MS4A14: variants seen among roughly 807,000 people sequenced by gnomAD.
MS4A14 encodes membrane-spanning 4-domains subfamily A member 14.
A neutral mutation model predicts 16.7 loss-of-function variants in MS4A14; 18 were observed. The observed-to-expected ratio is 1.08, with a 90% CI of 0.75 to 1.60. The LOEUF (loss-of-function observed/expected upper bound fraction) is 1.60, where lower values mean the gene tolerates loss of function less well. MS4A14 is among the 40% of genes most tolerant of loss of function. The pLI is 0.00. For synonymous variants in MS4A14, 305 were observed against 289.4 expected (o/e 1.05, Z -0.55); for missense variants, 812 against 775.3 (o/e 1.05, Z -0.56).
chr11:60,396,776 T>C (rs1236596191), intron 1 of MS4A14, 60 bp downstream of exon 1: 2 of 1,534,836 alleles, frequency 1.3e-6, no homozygotes, highest in African/African-American at 2.7e-5. Flanking sequence ...TATTTATTCA[T>C]GTATGTCTGC....
intron 4 of MS4A14, among the ~76,000 whole-genome samples, chr11:60,404,110 G>A (rs980591374): frequency 6.6e-6 from 1 of 152,208 alleles, no homozygotes; most frequent in African/African-American, 2.4e-5. Flanking sequence ...TGGACAGGAG[G>A]CAACTACTGT....
rs371634910 is a variant in MS4A14 at position 60,396,615 on chromosome 11, G to A, written c.37G>A (p.Val13Ile). ...ATCCCAGGACAGAAGGGCAACTCAC[G>A]TCATCACTATAAAACCAAACGAAAC... is the stretch of plus-strand genomic sequence containing the variant. ...STSQDRRATH[V>I]ITIKPNETVL... Residue 13 changes from valine (V) to isoleucine (I), a missense_variant, in exon 1 of 5, where the codon GTC (valine) becomes ATC (isoleucine). Physicochemically the swap from Val to Ile is conservative, Grantham distance 29. Transcript: ENST00000300187. 73 of 1,613,904 alleles carry A rather than the reference G, an allele frequency of 4.5e-5. No individual in the cohort carries two copies. In the Middle Eastern group the frequency reaches 5.0e-4, roughly 11 times the overall value.
In MS4A14 at chr11:60,416,016, C is replaced by T. The variant is rs775170841; in HGVS notation, c.1048C>T (p.Leu350=). ...ATCCCATGTCAAACAGTCTTCTAAT[C>T]TGACAGCTAATGACCTGCCCCCTCA... The part of the protein sequence containing the change: ...TSSHVKQSSN[L]TANDLPPQGI... The change falls in exon 5 of 5, where the codon CTG becomes TTG. Residue 350 remains leucine, a synonymous_variant. Coordinates refer to ENST00000300187, the MANE Select transcript of MS4A14 (RefSeq NM_032597.5). 27 of 1,613,736 alleles carry T rather than the reference C, an allele frequency of 1.7e-5. No homozygotes were observed. In the Admixed American group the frequency reaches 4.3e-4, roughly 26 times the overall value.
chr11:60,415,456 C>T lies in MS4A14; in HGVS notation c.488C>T (p.Ser163Leu), dbSNP rs550060785. ...TTATAGGTTCTGTTTTTCTTGCCTT[C>T]GGATGTTACTCAAAATAGTGAACAA... ...TLFIVLFFLP[S>L]DVTQNSEQPA... The change falls in exon 5 of 5, where the codon TCG (serine) becomes TTG (leucine). Residue 163 changes from serine to leucine, a missense_variant. Ser to Leu is a moderately radical substitution (Grantham distance 145). Transcript: ENST00000300187. 4.5e-5 allele frequency: 73 copies of T among 1,609,128 alleles called. No homozygotes were observed. The African/African-American group carries it at 5.9e-4, about 13-fold the overall frequency.
chr11:60,396,660 T>C lies in MS4A14; in HGVS notation c.82T>C (p.Tyr28His). Reference sequence around the variant, plus strand: ...CGAAACTGTATTGACTGCATTTCCCTACAGACCTCATAGCTCTCTGCTGGA... The same window carrying C: ...CGAAACTGTATTGACTGCATTTCCCCACAGACCTCATAGCTCTCTGCTGGA... ...PNETVLTAFP[Y>H]RPHSSLLDFL... Residue 28 changes from tyrosine to histidine, a missense_variant, in exon 1 of 5, where the codon TAC (tyrosine) becomes CAC (histidine). Coordinates refer to ENST00000300187, the MANE Select transcript of MS4A14 (RefSeq NM_032597.5). 1 of 1,613,968 alleles carries C rather than the reference T, an allele frequency of 6.2e-7. No homozygotes were observed. The highest frequency in any genetic ancestry group is 8.5e-7 in the Non-Finnish European group (1 of 1,179,960).
chr11:60,416,556 C>T lies in MS4A14; in HGVS notation c.1588C>T (p.Gln530Ter). The change falls in exon 5 of 5, where the codon CAG (glutamine) becomes TAG (stop). Residue 530 changes from glutamine to a stop codon, truncating the protein, a stop_gained. Coordinates refer to ENST00000300187, the MANE Select transcript of MS4A14 (RefSeq NM_032597.5). LOFTEE classifies it low-confidence loss of function (END_TRUNC). ...QQSKGWQSPK[Q>*]KSLDQQIKDW... ...AAGCAAAGGCTGGCAATCTCCAAAG[C>T]AGAAATCCTTAGACCAGCAAATCAA... 6.2e-7 allele frequency: 1 copy of T among 1,613,782 alleles called. No individual in the cohort carries two copies. The highest frequency in any genetic ancestry group is 8.5e-7 in the Non-Finnish European group (1 of 1,179,924).
At position 60,416,127 on chromosome 11, in the gene MS4A14, T is replaced by A; in HGVS notation, c.1159T>A (p.Ser387Thr). Residue 387 changes from serine (S) to threonine (T), a missense_variant, in exon 5 of 5, where the codon TCT becomes ACT. Coordinates refer to ENST00000300187, the MANE Select transcript of MS4A14 (RefSeq NM_032597.5). ...SQDMQSLDML[S>T]QDTPSHAMPP... ...AGATATGCAATCCCTAGATATGCTA[T>A]CTCAAGACACACCATCCCACGCCAT... The A allele has an allele frequency of 6.2e-7, 1 of 1,610,442 alleles. No homozygotes were observed. The highest frequency in any genetic ancestry group is 1.1e-5 in the South Asian group (1 of 90,700).
intron 2 of MS4A14, chr11:60,398,200 G>A (rs1009336778): frequency 2.5e-6 from 1 of 403,346 alleles, no homozygotes; most frequent in African/African-American, 2.0e-5. Flanking sequence ...CAAAGCCCTT[G>A]TGTGTATAGT....
chr11:60,416,070 C>A lies in MS4A14; in HGVS notation c.1102C>A (p.Gln368Lys). The change falls in exon 5 of 5, where the codon CAA (glutamine) becomes AAA (lysine). Residue 368 changes from glutamine to lysine, a missense_variant. Gln to Lys is a moderately conservative substitution (Grantham distance 53, BLOSUM62 1). Coordinates refer to ENST00000300187, the MANE Select transcript of MS4A14 (RefSeq NM_032597.5). ...QGILSQDTSS[Q>K]DMLFHDMTSQ... ...CATACTATCCCAAGACACATCATCT[C>A]AAGATATGCTGTTTCATGACATGAC... 1.2e-6 allele frequency: 2 copies of A among 1,612,144 alleles called. No homozygotes were observed. The highest frequency in any genetic ancestry group is 1.7e-6 in the Non-Finnish European group (2 of 1,179,112).
At chr11:60,400,135 G>C (rs918368425) in intron 2 of MS4A14, among the ~76,000 whole-genome samples, 1 of 152,092 alleles carries the variant, frequency 6.6e-6, no homozygotes, top group Admixed American at 6.6e-5. Flanking sequence ...GCCCCAGCCG[G>C]ATCAAACATC....
chr11:60,416,307 C>T lies in MS4A14; in HGVS notation c.1339C>T (p.Pro447Ser), dbSNP rs1200498488. The change falls in exon 5 of 5, where the codon CCT becomes TCT. Residue 447 changes from proline (P) to serine (S), a missense_variant. Physicochemically the swap from Pro to Ser is moderately conservative, Grantham distance 74. Coordinates refer to ENST00000300187, the MANE Select transcript of MS4A14 (RefSeq NM_032597.5). ...AGATCTTCAACCAGAAAACACTGAA[C>T]CTCAAAACCAGCAAATTTTACAAAT... ...PPDLQPENTE[P>S]QNQQILQMSY... is the part of the protein sequence containing the mutation. 2 of 1,613,816 alleles carry T rather than the reference C, an allele frequency of 1.2e-6. No homozygotes were observed. The highest frequency in any genetic ancestry group is 1.7e-6 in the Non-Finnish European group (2 of 1,179,944).
rs765891011 is a variant in MS4A14 at position 60,416,837 on chromosome 11, T to C, written c.1869T>C (p.Asn623=). 22 of 1,613,466 alleles carry C rather than the reference T, an allele frequency of 1.4e-5. No homozygotes were observed. The highest frequency in any genetic ancestry group is 1.9e-5 in the Non-Finnish European group (22 of 1,179,820). The change falls in exon 5 of 5, where the codon AAT becomes AAC. Residue 623 remains asparagine (N), a synonymous_variant. Coordinates refer to ENST00000300187, the MANE Select transcript of MS4A14 (RefSeq NM_032597.5). ...AATCCCCGAAAGGACAATTCCAAAATGTTCAAGCCGAAGGACAGCAAGCTC... is the reference window on the plus strand; with the variant it reads ...AATCCCCGAAAGGACAATTCCAAAACGTTCAAGCCGAAGGACAGCAAGCTC... ...EKKSPKGQFQ[N]VQAEGQQAQV...
At chr11:60,400,172 G>A (rs2085690291) in intron 2 of MS4A14, among the ~76,000 whole-genome samples, 1 of 152,142 alleles carries the variant, frequency 6.6e-6, no homozygotes. Flanking sequence ...AGAGGAGCCT[G>A]CCTGTCCCAG....
chr11:60,413,742 G>A (rs1208812474), intron 4 of MS4A14, among the ~76,000 whole-genome samples: 1 of 152,032 alleles, frequency 6.6e-6, no homozygotes, highest in Non-Finnish European at 1.5e-5. Flanking sequence ...TATGTACCTT[G>A]ATCTCAAGAA....
chr11:60,412,126 A>G (rs1350160856), intron 4 of MS4A14, among the ~76,000 whole-genome samples: 2 of 151,998 alleles, frequency 1.3e-5, no homozygotes, highest in Non-Finnish European at 2.9e-5. Flanking sequence ...CATATGAATA[A>G]TCCTTTTCTA....
In MS4A14 at chr11:60,415,625, C is replaced by T. The variant is rs746100173; in HGVS notation, c.657C>T (p.Ser219=). ...CACTCTCTAGGAGTCCTTTAGTCTCCCAACCAGGTAATAAAGGTAGAGAAT... is the reference window on the plus strand; with the variant it reads ...CACTCTCTAGGAGTCCTTTAGTCTCTCAACCAGGTAATAAAGGTAGAGAAT... The part of the protein sequence containing the change: ...KLTLSRSPLV[S]QPGNKGREFV... Residue 219 remains serine, a synonymous_variant, in exon 5 of 5, where the codon TCC becomes TCT. Coordinates refer to ENST00000300187, the MANE Select transcript of MS4A14 (RefSeq NM_032597.5). The T allele has an allele frequency of 6.2e-7, 1 of 1,613,784 alleles. No homozygotes were observed. Among genetic ancestry groups the T allele is most frequent in the Non-Finnish European group, 8.5e-7 (1 of 1,179,832 alleles).
At position 60,417,099 on chromosome 11, in the gene MS4A14, C is replaced by T; in HGVS notation, c.*91C>T. 6.8e-7 allele frequency: 1 copy of T among 1,469,448 alleles called. No homozygotes were observed. Among genetic ancestry groups the T allele is most frequent in the Non-Finnish European group, 9.0e-7 (1 of 1,108,540 alleles). The allele number at this position is 1,469,448 out of a possible 1,614,324, so 91.0% of individuals were successfully genotyped here. ...ACACAGGATCTATTAGAGAAAGAAG[C>T]CCTAAAGCAGAAAGCTCTATACCAA... On this transcript the variant is annotated 3_prime_UTR_variant, in exon 5 of 5. Coordinates refer to ENST00000300187, the MANE Select transcript of MS4A14 (RefSeq NM_032597.5).
intron 3 of MS4A14, among the ~76,000 whole-genome samples, chr11:60,402,311 C>A (rs2085726678): frequency 6.6e-6 from 1 of 152,116 alleles, no homozygotes; most frequent in South Asian, 2.1e-4. Context: ...GTTAACGATT[C>A]TGTTGATTAT....
chr11:60,401,899 T>C (rs1373108482), intron 3 of MS4A14, among the ~76,000 whole-genome samples: 1 of 152,144 alleles, frequency 6.6e-6, no homozygotes, highest in African/African-American at 2.4e-5. Context: ...GAGGTAAACA[T>C]TAAGTCACAA....
Sources: allele counts gnomAD v4.1 joint callset (sites outside exome capture counted in the v4.1 genomes callset), GRCh38; gene constraint gnomAD v4.1.1; transcripts MANE v1.5; gene names NCBI Gene and HGNC (gene_info 2026-07-23, HGNC 2026-07-21).